Variants in VPS13D observed in about 807,000 individuals in gnomAD.
The protein encoded by VPS13D is intermembrane lipid transfer protein VPS13D.
VPS13D carries 187 observed loss-of-function variants against 461.9 expected under a neutral mutation model. That is an observed-to-expected ratio of 0.40 (90% CI 0.36 to 0.46). VPS13D has a LOEUF of 0.46. Ranked by LOEUF, VPS13D falls within the 20% of genes least tolerant of loss-of-function variation. The pLI, the probability that VPS13D is intolerant of heterozygous loss-of-function variation, is 0.60. For missense variants in VPS13D, 4,711 were observed against 5,364.9 expected (o/e 0.88, Z 3.81); for synonymous variants, 1,951 against 1,986.3 (o/e 0.98, Z 0.47).
intron 35 of VPS13D, among the ~76,000 whole-genome samples, chr1:12,326,730 G>A (rs998378195): frequency 2.0e-5 from 3 of 151,460 alleles, no homozygotes; most frequent in Non-Finnish European, 2.9e-5. Context: ...TGCAACCTCC[G>A]CCTCCCAGGT....
Position 12,388,579 on chromosome 1 carries a change from G to GA in VPS13D, c.11634+2259dup, listed in dbSNP as rs71570105. Among the ~76,000 whole-genome samples the GA allele has an allele frequency of 9.5e-3, 1,249 of 131,646 alleles. 60 individuals are homozygous for GA. The East Asian group carries it at 0.14, about 15-fold the overall frequency. 86.4% of individuals were successfully genotyped at this position (131,646 alleles called of 152,430 possible). On this transcript the variant is annotated intron_variant, in intron 60 of 69. Transcript: ENST00000620676. ...CAGATGGAGACTCTTGTCTCAGGGG[G>GA]AAAAAAAAAAAAAAGAAATCATAAA...
chr1:12,358,668 G>A, intron 50 of VPS13D, 67 bp downstream of exon 50: 1 of 1,576,284 alleles, frequency 6.3e-7, no homozygotes, highest in South Asian at 1.2e-5. Context: ...TTGGAGGAAT[G>A]ACCTGGCCAT....
chr1:12,351,981 A>G lies in VPS13D; in HGVS notation c.9432-1993A>G, dbSNP rs531807196. On this transcript the variant is annotated intron_variant, in intron 46 of 69. Coordinates refer to ENST00000620676, the MANE Select transcript of VPS13D (RefSeq NM_015378.4). ...TAATATTTGAAAATCAGTAAATGTAACTCATCATATTAAGAGACTAAAAGA... is the reference window on the plus strand; with the variant it reads ...TAATATTTGAAAATCAGTAAATGTAGCTCATCATATTAAGAGACTAAAAGA... Among the ~76,000 whole-genome samples the G allele has an allele frequency of 2.6e-5, 4 of 151,700 alleles. No homozygotes were observed. The East Asian group carries it at 7.7e-4, about 29-fold the overall frequency.
intron 1 of VPS13D, among the ~76,000 whole-genome samples, chr1:12,232,970 C>T (rs963031603): frequency 1.3e-5 from 2 of 151,502 alleles, no homozygotes; most frequent in East Asian, 3.9e-4. Flanking sequence ...ATTCTCCCCC[C>T]ACCCCCAACT....
At chr1:12,482,771 ATAT>A (rs1213817768) in intron 67 of VPS13D, among the ~76,000 whole-genome samples, 1 of 149,674 alleles carries the variant, frequency 6.7e-6, no homozygotes, top group East Asian at 1.9e-4. Context: ...TAGTATACAT[ATAT>A]GTATACATAG....
Position 12,386,229 on chromosome 1 carries a change from T to C in VPS13D, c.11529T>C (p.Asn3843=). ...LEGGIGLSLI[N]KVPEELVFAS... is the part of the protein sequence containing the mutation. Reference sequence around the variant, plus strand: ...GTGGAATTGGGTTGTCCTTAATTAATAAAGTCCCAGAAGAACTGGTCTTTG... The same window carrying C: ...GTGGAATTGGGTTGTCCTTAATTAACAAAGTCCCAGAAGAACTGGTCTTTG... Residue 3843 remains asparagine (N), a synonymous_variant, in exon 60 of 70, where the codon AAT becomes AAC. Coordinates refer to ENST00000620676, the MANE Select transcript of VPS13D (RefSeq NM_015378.4). 6.2e-7 allele frequency: 1 copy of C among 1,613,700 alleles called. No individual in the cohort carries two copies. The highest frequency in any genetic ancestry group is 8.5e-7 in the Non-Finnish European group (1 of 1,179,844).
At chr1:12,466,132 TAA>T (rs200407006) in intron 67 of VPS13D, among the ~76,000 whole-genome samples, 35 of 138,126 alleles carry the variant, frequency 2.5e-4, no homozygotes, top group Middle Eastern at 3.6e-3. Flanking sequence ...AGACTCCATC[TAA>T]AAAAAAAAAA....
At chr1:12,373,622 T>C (rs1644156347) in intron 54 of VPS13D, 128 bp from the exon 55 acceptor site, 1 of 406,966 alleles carries the variant, frequency 2.5e-6, no homozygotes, top group Admixed American at 5.1e-5. Flanking sequence ...TCTTCTATCC[T>C]TTAAAAAATT....
In VPS13D at chr1:12,507,893, C is replaced by T. The variant is rs550973981; in HGVS notation, c.13035+800C>T. The stretch of plus-strand genomic sequence containing the variant: ...GTTAGTCCTGCTCATTCTCACCCGG[C>T]ATACCCGGATTTTGAAGCTTGCATT... On this transcript the variant is annotated intron_variant, in intron 69 of 69. Transcript: ENST00000620676. This position sits in a 1 kb window ranked among gnomAD's most constrained non-coding sequence, Gnocchi z 5.3. Among the ~76,000 whole-genome samples the T allele has an allele frequency of 6.6e-6, 1 of 152,252 alleles. No homozygotes were observed. Among genetic ancestry groups the T allele is most frequent in the Non-Finnish European group, 1.5e-5 (1 of 68,044 alleles).
At chr1:12,465,956 G>T (rs530923706) in intron 67 of VPS13D, among the ~76,000 whole-genome samples, 1 of 152,040 alleles carries the variant, frequency 6.6e-6, no homozygotes, top group African/African-American at 2.4e-5. Context: ...CCAACATGTC[G>T]AAACCCTGTC....
intron 14 of VPS13D, among the ~76,000 whole-genome samples, chr1:12,267,432 T>C (rs550285507): frequency 3.2e-4 from 49 of 152,314 alleles, no homozygotes; most frequent in African/African-American, 1.1e-3. Context: ...ATATACGTTA[T>C]TAACGATAAG....
chr1:12,348,968 C>T lies in VPS13D; in HGVS notation c.9215C>T (p.Pro3072Leu), dbSNP rs1643736724. ...MELRLDSPSA[P>L]DKPVVLPAIM... Reference sequence around the variant, plus strand: ...CTAAGACTGGATAGCCCATCAGCTCCAGACAGTATGTTTTGATTGTCTAGC... The same window carrying T: ...CTAAGACTGGATAGCCCATCAGCTCTAGACAGTATGTTTTGATTGTCTAGC... Residue 3072 changes from proline (P) to leucine (L), a missense_variant, in exon 45 of 70, where the codon CCA becomes CTA. Pro to Leu is a moderately conservative substitution (Grantham distance 98). Transcript: ENST00000620676. The T allele has an allele frequency of 1.2e-6, 2 of 1,614,062 alleles. No homozygotes were observed. The highest frequency in any genetic ancestry group is 1.7e-5 in the Admixed American group (1 of 60,006).
intron 32 of VPS13D, among the ~76,000 whole-genome samples, chr1:12,320,915 AT>A (rs1183944003): frequency 1.3e-5 from 2 of 152,210 alleles, no homozygotes; most frequent in Non-Finnish European, 1.5e-5. Flanking sequence ...TCAGGGGAGA[AT>A]TTATAAAGTA....
rs751614761 is a variant in VPS13D at position 12,304,659 on chromosome 1, C to T, written c.6370C>T (p.Pro2124Ser). 3.7e-6 allele frequency: 6 copies of T among 1,614,030 alleles called. No individual in the cohort carries two copies. In the South Asian group the frequency reaches 6.6e-5, roughly 18 times the overall value. Residue 2124 changes from proline to serine, a missense_variant, in exon 26 of 70, where the codon CCC (proline) becomes TCC (serine). By Grantham distance (74) the Pro-to-Ser change is moderately conservative. Around this residue, in one of 3 missense-constraint regions of VPS13D, gnomAD observed 4,411 missense variants for 4,937.8 expected, o/e 0.89. Coordinates refer to ENST00000620676, the MANE Select transcript of VPS13D (RefSeq NM_015378.4). ...SLGSLKSEFV[P>S]STSTKQQGPQ... Reference sequence around the variant, plus strand: ...AGGAAGCCTGAAGAGTGAGTTTGTGCCCAGTACCTCCACCAAGCAGCAAGG... The same window carrying T: ...AGGAAGCCTGAAGAGTGAGTTTGTGTCCAGTACCTCCACCAAGCAGCAAGG...
intron 65 of VPS13D, among the ~76,000 whole-genome samples, chr1:12,435,044 A>G (rs1645042270): frequency 6.6e-6 from 1 of 152,214 alleles, no homozygotes; most frequent in Non-Finnish European, 1.5e-5. Flanking sequence ...GCCCTGCGGA[A>G]TATGTTAGTG....
intron 67 of VPS13D, 177 bp from the exon 68 acceptor site, chr1:12,497,323 A>T (rs1645973207): frequency 1.6e-6 from 1 of 627,246 alleles, no homozygotes; most frequent in Non-Finnish European, 2.4e-6. Context: ...TCAAAGTCAA[A>T]TGAGGGTCTT....
chr1:12,498,150 G>A (rs916962678), intron 68 of VPS13D, among the ~76,000 whole-genome samples: 6 of 152,108 alleles, frequency 3.9e-5, no homozygotes, highest in Admixed American at 3.3e-4. Context: ...TAGTTGACAC[G>A]GTAGAGTTAA....
intron 66 of VPS13D, among the ~76,000 whole-genome samples, chr1:12,459,589 CTG>C (rs992206131): frequency 2.6e-5 from 4 of 151,756 alleles, no homozygotes; most frequent in Non-Finnish European, 5.9e-5. Flanking sequence ...AGCAATTCTC[CTG>C]CCTTAGCCTC....
intron 63 of VPS13D, among the ~76,000 whole-genome samples, chr1:12,410,465 G>T (rs1644711226): frequency 1.3e-5 from 2 of 152,132 alleles, no homozygotes; most frequent in Non-Finnish European, 2.9e-5. Context: ...CTCATCCAAA[G>T]TCTCTGTAAG....
Sources: gnomAD v4.1 joint callset for allele counts (sites outside exome capture counted in the v4.1 genomes callset) on GRCh38, gnomAD v4.1.1 for gene constraint, gnomAD v4.1.1 regional missense constraint, Gnocchi (gnomAD v3.1) non-coding constraint, MANE v1.5 for transcripts, NCBI Gene and HGNC (gene_info 2026-07-23, HGNC 2026-07-21) for gene names.